Variants in GNA14 observed in about 807,000 individuals in gnomAD.
The protein encoded by GNA14 is G protein subunit alpha 14.
Under a neutral mutation model 42.0 loss-of-function variants are expected in GNA14, and 50 were observed. The observed-to-expected ratio is 1.19, with a 90% CI of 0.95 to 1.51. The LOEUF is 1.51. Ranked by LOEUF, GNA14 falls within the 40% of genes most tolerant of loss-of-function variation. The pLI is 0.00. For missense variants in GNA14, 473 were observed against 446.2 expected (o/e 1.06, Z -0.54); for synonymous variants, 173 against 163.1 (o/e 1.06, Z -0.46).
intron 1 of GNA14, among the ~76,000 whole-genome samples, chr9:77,639,121 T>C (rs533902495): frequency 1.3e-5 from 2 of 152,292 alleles, no homozygotes; most frequent in African/African-American, 4.8e-5. Context: ...AATATCACAT[T>C]TTTGTTGTAG....
chr9:77,604,954 A>T (rs1372181803), intron 1 of GNA14, among the ~76,000 whole-genome samples: 1 of 152,242 alleles, frequency 6.6e-6, no homozygotes, highest in Non-Finnish European at 1.5e-5. Context: ...GCCATGTCAC[A>T]GAAATTCATT....
intron 2 of GNA14, among the ~76,000 whole-genome samples, chr9:77,444,300 C>G (rs1236462433): frequency 1.3e-5 from 2 of 152,214 alleles, no homozygotes; most frequent in South Asian, 4.1e-4. Context: ...TCTGGTCAAC[C>G]TCACAGGTGC....
intron 1 of GNA14, among the ~76,000 whole-genome samples, chr9:77,594,499 C>G (rs1333564694): frequency 6.6e-6 from 1 of 152,156 alleles, no homozygotes; most frequent in Non-Finnish European, 1.5e-5. Flanking sequence ...CCCAAAGTGT[C>G]AAGTATTTAC....
intron 1 of GNA14, among the ~76,000 whole-genome samples, chr9:77,585,570 C>T (rs768339164): frequency 5.3e-5 from 8 of 152,200 alleles, no homozygotes; most frequent in Admixed American, 4.6e-4. Flanking sequence ...GACCATTACT[C>T]CAATGGCATG....
At position 77,528,442 on chromosome 9, in the gene GNA14, C is replaced by G. The variant is rs59175591; in HGVS notation, c.309+627G>C. Reference sequence around the variant, plus strand: ...ATAAAATTTTACTTCCTCTTCCTCTCTCTTTCCCGCCTCATTATTTTCCTC... The same window carrying G: ...ATAAAATTTTACTTCCTCTTCCTCTGTCTTTCCCGCCTCATTATTTTCCTC... On this transcript the variant is annotated intron_variant, in intron 2 of 6. Transcript: ENST00000341700. Among the ~76,000 whole-genome samples the G allele has an allele frequency of 4.6e-3, 698 of 152,260 alleles. 6 individuals carry two copies. Among genetic ancestry groups the G allele is most frequent in the African/African-American group, 0.016 (665 of 41,552 alleles).
chr9:77,568,501 AAAAAG>A (rs1426672935), intron 1 of GNA14, among the ~76,000 whole-genome samples: 21 of 152,160 alleles, frequency 1.4e-4, no homozygotes, highest in South Asian at 2.1e-4. Context: ...CAAAAAAAAA[AAAAAG>A]AAAGAAAGAA....
At chr9:77,622,736 AAAAG>A (rs1564068949) in intron 1 of GNA14, among the ~76,000 whole-genome samples, 1 of 149,686 alleles carries the variant, frequency 6.7e-6, no homozygotes, top group African/African-American at 2.5e-5. Context: ...AAATACAAAA[AAAAG>A]AAAAATAGCC....
At chr9:77,644,713 C>T (rs1230209211) in intron 1 of GNA14, among the ~76,000 whole-genome samples, 1 of 152,170 alleles carries the variant, frequency 6.6e-6, no homozygotes, top group African/African-American at 2.4e-5. Context: ...CTCAATTCCT[C>T]TTCCTTCCAG....
intron 2 of GNA14, among the ~76,000 whole-genome samples, chr9:77,478,083 T>C (rs1375654948): frequency 2.0e-5 from 3 of 151,582 alleles, no homozygotes; most frequent in Non-Finnish European, 2.9e-5. Flanking sequence ...ATGTGCAGGG[T>C]TTTTACATAT....
chr9:77,429,022 C>T lies in GNA14; in HGVS notation c.608G>A (p.Gly203Asp). The T allele has an allele frequency of 6.2e-7, 1 of 1,614,034 alleles. No homozygotes were observed. Among genetic ancestry groups the T allele is most frequent in the Non-Finnish European group, 8.5e-7 (1 of 1,179,942 alleles). ...ENIIFRMVDV[G>D]GQRSERRKWI... ...CTTCCGTCTTTCCGATCGTTGGCCA[C>T]CAACATCCACCATCCTGTTGTGTAG... is the stretch of plus-strand genomic sequence containing the variant. The change falls in exon 5 of 7, where the codon GGT (glycine) becomes GAT (aspartate). Residue 203 changes from glycine (G) to aspartate (D), a missense_variant. Transcript: ENST00000341700.
At chr9:77,595,800 AAG>A (rs138143497) in intron 1 of GNA14, among the ~76,000 whole-genome samples, 3,437 of 150,754 alleles carry the variant, frequency 0.023, 145 homozygotes, top group African/African-American at 0.081. Context: ...GTATTCTCTC[AAG>A]AGAGAGAGAG....
At chr9:77,617,371 G>A (rs1371541618) in intron 1 of GNA14, among the ~76,000 whole-genome samples, 1 of 151,968 alleles carries the variant, frequency 6.6e-6, no homozygotes. Context: ...AAAAACCTGG[G>A]AGTCATCCTG....
At chr9:77,601,512 T>C (rs966444236) in intron 1 of GNA14, among the ~76,000 whole-genome samples, 2 of 152,344 alleles carry the variant, frequency 1.3e-5, no homozygotes, top group African/African-American at 4.8e-5. Flanking sequence ...GGGAAAACAA[T>C]GCATATTTGT....
At chr9:77,426,032 G>A (rs1443749853) in intron 5 of GNA14, among the ~76,000 whole-genome samples, 1 of 152,172 alleles carries the variant, frequency 6.6e-6, no homozygotes, top group Admixed American at 6.5e-5. Context: ...TCCTACCCAC[G>A]TTTCACAAGT....
At chr9:77,634,041 A>G (rs1377850315) in intron 1 of GNA14, among the ~76,000 whole-genome samples, 7 of 152,250 alleles carry the variant, frequency 4.6e-5, no homozygotes, top group Admixed American at 1.3e-4. Context: ...GTAAAGCAAC[A>G]GAAAAGAACA....
chr9:77,590,869 G>A (rs1206749995), intron 1 of GNA14, among the ~76,000 whole-genome samples: 1 of 152,058 alleles, frequency 6.6e-6, no homozygotes, highest in African/African-American at 2.4e-5. Context: ...ATCCAAATAG[G>A]TAAGGATGAC....
At chr9:77,583,063 G>C (rs1275680957) in intron 1 of GNA14, among the ~76,000 whole-genome samples, 1 of 152,222 alleles carries the variant, frequency 6.6e-6, no homozygotes. Flanking sequence ...AGAAGGCAGT[G>C]CTCAGACACT....
chr9:77,621,864 T>G (rs893756524), intron 1 of GNA14, among the ~76,000 whole-genome samples: 3 of 152,256 alleles, frequency 2.0e-5, no homozygotes, highest in Non-Finnish European at 4.4e-5. Flanking sequence ...GAGTTTTTGA[T>G]AGGCCTATTG....
chr9:77,581,705 T>G (rs1288598441), intron 1 of GNA14, among the ~76,000 whole-genome samples: 2 of 152,184 alleles, frequency 1.3e-5, no homozygotes, highest in Non-Finnish European at 2.9e-5. Flanking sequence ...GTATCTCAAG[T>G]TTGGCCCAGT....
Sources: allele counts gnomAD v4.1 joint callset (sites outside exome capture counted in the v4.1 genomes callset), GRCh38; gene constraint gnomAD v4.1.1; transcripts MANE v1.5; gene names NCBI Gene and HGNC (gene_info 2026-07-23, HGNC 2026-07-21).